Variants in PCDH15 observed in about 807,000 individuals in gnomAD.
PCDH15 encodes the protein protocadherin related 15.
In PCDH15, 129 loss-of-function variants were observed where a neutral mutation model predicts 178.5. The ratio of observed to expected loss-of-function variants is 0.72; its 90% confidence interval spans 0.63 to 0.84. The LOEUF is 0.84. Ranked by LOEUF, PCDH15 falls within the 40% of genes least tolerant of loss-of-function variation. The pLI, the probability that PCDH15 is intolerant of heterozygous loss-of-function variation, is 0.00. For missense variants in PCDH15, 2,230 were observed against 2,099.9 expected (o/e 1.06, Z -1.21); for synonymous variants, 800 against 732.0 (o/e 1.09, Z -1.50).
intron 35 of PCDH15, among the ~76,000 whole-genome samples, chr10:53,814,982 T>C (rs1387565521): frequency 7.7e-6 from 1 of 129,628 alleles, no homozygotes; most frequent in Non-Finnish European, 1.6e-5. Context: ...AAAAAAAAAA[T>C]CGAGTAAGGA....
At chr10:55,428,741 C>G (rs1264576055) in intron 2 of PCDH15, among the ~76,000 whole-genome samples, 3 of 151,630 alleles carry the variant, frequency 2.0e-5, no homozygotes, top group Non-Finnish European at 3.0e-5. Flanking sequence ...AGGTTTAAGT[C>G]TGTATTGTTA....
At position 55,538,516 on chromosome 10, in the gene PCDH15, TCCTTCCTC is replaced by T. The variant is rs1212183510; in HGVS notation, c.-156+89101_-156+89108del. On this transcript the variant is annotated intron_variant, in intron 2 of 5. Coordinates refer to the PCDH15 transcript ENST00000613346. ...TCCTTTCCTTCCTTCCTTCTTTCCTTCCTTCCTCCCTTCCTTCCTCCTTTCCTTCCTTC... is the reference window on the plus strand; with the variant it reads ...TCCTTTCCTTCCTTCCTTCTTTCCTTCCTTCCTTCCTCCTTTCCTTCCTTC... Among the ~76,000 whole-genome samples, 14 of 120,158 alleles carry T rather than the reference TCCTTCCTC, an allele frequency of 1.2e-4. No individual in the cohort carries two copies. The East Asian group carries it at 2.9e-3, about 25-fold the overall frequency. 78.8% of individuals were successfully genotyped at this position (120,158 alleles called of 152,430 possible).
At chr10:55,164,328 C>T (rs1839141423) in intron 2 of PCDH15, among the ~76,000 whole-genome samples, 1 of 151,004 alleles carries the variant, frequency 6.6e-6, no homozygotes, top group Admixed American at 6.6e-5. Flanking sequence ...TCTTTTTGGT[C>T]AATGTTTTGT....
At position 54,612,797 on chromosome 10, in the gene PCDH15, T is replaced by C. The variant is rs561374746; in HGVS notation, c.91+51375A>G. Among the ~76,000 whole-genome samples, 13 of 151,920 alleles carry C rather than the reference T, an allele frequency of 8.6e-5. No homozygotes were observed. In the East Asian group the frequency reaches 2.5e-3, roughly 29 times the overall value. ...TTAATTTACACAGTATAAAACCTAT[T>C]GGAATAGACTTTGTAAGTTCCAAGT... On this transcript the variant is annotated intron_variant, in intron 2 of 37. Transcript: ENST00000644397.
intron 1 of PCDH15, among the ~76,000 whole-genome samples, chr10:55,208,677 T>C (rs746855379): frequency 2.6e-5 from 4 of 152,242 alleles, no homozygotes; most frequent in Non-Finnish European, 5.9e-5. Flanking sequence ...TTTTTTTGTC[T>C]GCCGGCTTTT....
intron 1 of PCDH15, among the ~76,000 whole-genome samples, chr10:54,679,264 G>A (rs540154907): frequency 6.6e-6 from 1 of 150,512 alleles, no homozygotes; most frequent in Admixed American, 6.6e-5. Flanking sequence ...ATATTTTGTT[G>A]GTCTAAACTA....
chr10:54,361,149 CT>C (rs1175081547), intron 5 of PCDH15, among the ~76,000 whole-genome samples: 2 of 152,052 alleles, frequency 1.3e-5, no homozygotes, highest in African/African-American at 4.8e-5. Flanking sequence ...TCTGCACATA[CT>C]CAGGTCCCTA....
chr10:55,520,491 CTGTGTGTGTGTGTGTATA>C (rs777833040), intron 2 of PCDH15, among the ~76,000 whole-genome samples: 5 of 133,932 alleles, frequency 3.7e-5, no homozygotes, highest in African/African-American at 1.3e-4. Context: ...AAATTATTAG[CTGTGTGTGTGTGTGTATA>C]TGTGTGTGTG....
At chr10:55,181,634 A>C (rs1348316688) in intron 1 of PCDH15, among the ~76,000 whole-genome samples, 1 of 151,960 alleles carries the variant, frequency 6.6e-6, no homozygotes, top group Non-Finnish European at 1.5e-5. Flanking sequence ...GAACTGTTTA[A>C]AAAAGAAGGC....
At chr10:54,869,833 T>A (rs1402328265) in intron 3 of PCDH15, among the ~76,000 whole-genome samples, 2 of 152,108 alleles carry the variant, frequency 1.3e-5, no homozygotes, top group Admixed American at 1.3e-4. Context: ...CTAGCACATC[T>A]CACATAAGCA....
chr10:54,336,149 A>T (rs1049602630), intron 6 of PCDH15, among the ~76,000 whole-genome samples: 11 of 152,206 alleles, frequency 7.2e-5, no homozygotes, highest in African/African-American at 2.7e-4. Flanking sequence ...GTAGCAAAAC[A>T]TTCAAGATGT....
intron 21 of PCDH15, among the ~76,000 whole-genome samples, chr10:53,988,238 C>T (rs774523328): frequency 3.3e-5 from 5 of 152,138 alleles, no homozygotes; most frequent in African/African-American, 4.8e-5. Context: ...CTAGCCTCCC[C>T]TCAGCATTAG....
intron 28 of PCDH15, among the ~76,000 whole-genome samples, chr10:53,846,868 A>C (rs992836688): frequency 1.3e-5 from 2 of 151,912 alleles, no homozygotes; most frequent in African/African-American, 4.8e-5. Context: ...TGTCTGTGTG[A>C]ATGAGTTGAG....
At chr10:54,829,793 C>A (rs539477312) in intron 3 of PCDH15, among the ~76,000 whole-genome samples, 3 of 152,162 alleles carry the variant, frequency 2.0e-5, no homozygotes, top group Non-Finnish European at 2.9e-5. Flanking sequence ...ATAACCCCTG[C>A]TTTTATTCTC....
intron 2 of PCDH15, among the ~76,000 whole-genome samples, chr10:54,560,910 C>T (rs965804147): frequency 6.6e-6 from 1 of 151,984 alleles, no homozygotes; most frequent in Non-Finnish European, 1.5e-5. Flanking sequence ...TGTGTCCTTG[C>T]CAGTTAGTAA....
At chr10:54,001,105 G>A (rs1454009008) in intron 20 of PCDH15, among the ~76,000 whole-genome samples, 4 of 152,082 alleles carry the variant, frequency 2.6e-5, no homozygotes, top group Non-Finnish European at 5.9e-5. Context: ...CCTTCAAACA[G>A]GAAGGAGAAA....
intron 2 of PCDH15, among the ~76,000 whole-genome samples, chr10:55,068,740 G>C (rs982361317): frequency 6.6e-6 from 1 of 151,196 alleles, no homozygotes; most frequent in Non-Finnish European, 1.5e-5. Context: ...CTCTCCATTT[G>C]TTTGTATTCT....
intron 2 of PCDH15, among the ~76,000 whole-genome samples, chr10:55,397,035 T>C (rs867794671): frequency 1.3e-5 from 2 of 152,160 alleles, no homozygotes; most frequent in South Asian, 4.1e-4. Flanking sequence ...TCAGCTCACT[T>C]AAGAACATTT....
At chr10:55,624,628 T>C (rs1361839622) in intron 2 of PCDH15, among the ~76,000 whole-genome samples, 3 of 152,110 alleles carry the variant, frequency 2.0e-5, no homozygotes. Context: ...TTCTGTAAAA[T>C]AGCACTGTAT....
Sources: gnomAD v4.1 joint callset for allele counts (sites outside exome capture counted in the v4.1 genomes callset) on GRCh38, gnomAD v4.1.1 for gene constraint, MANE v1.5 for transcripts, NCBI Gene and HGNC (gene_info 2026-07-23, HGNC 2026-07-21) for gene names.